The following GPR176 variants were observed in gnomAD, a reference collection of about 807,000 sequenced individuals.
The protein encoded by GPR176 is G protein-coupled receptor 176.
Under a neutral mutation model 35.4 loss-of-function variants are expected in GPR176, and 26 were observed. The ratio of observed to expected loss-of-function variants is 0.74; its 90% CI spans 0.54 to 1.02. GPR176 has a LOEUF of 1.02. Ranked by LOEUF, GPR176 falls within the 50% of genes least tolerant of loss-of-function variation. The probability of loss-of-function intolerance (pLI) is 0.00; values close to 1 mark genes in which losing one functional copy is unlikely to be tolerated. For missense variants in GPR176, 597 were observed against 665.3 expected, an observed-to-expected ratio of 0.90 and a Z score of 1.13; for synonymous variants, 278 against 271.3, an observed-to-expected ratio of 1.02 and a Z score of -0.24.
intron 1 of GPR176, among the ~76,000 whole-genome samples, chr15:39,856,229 T>C (rs747903288): frequency 7.2e-5 from 11 of 152,204 alleles, no homozygotes; most frequent in Non-Finnish European, 1.3e-4. Flanking sequence ...CTATCCAAAA[T>C]AGCCACACAC....
intron 1 of GPR176, among the ~76,000 whole-genome samples, chr15:39,863,262 T>TA (rs2031685662): frequency 6.6e-6 from 1 of 151,772 alleles, no homozygotes; most frequent in Admixed American, 6.6e-5. Context: ...TTTGTATTTT[T>TA]AGTAGAGATG....
intron 1 of GPR176, among the ~76,000 whole-genome samples, chr15:39,812,455 G>C (rs1899630657): frequency 6.6e-6 from 1 of 152,182 alleles, no homozygotes; most frequent in African/African-American, 2.4e-5. Context: ...ACGTTCTTCA[G>C]CTTTTGGACT....
intron 1 of GPR176, among the ~76,000 whole-genome samples, chr15:39,866,590 T>C (rs2031839562): frequency 6.6e-6 from 1 of 152,166 alleles, no homozygotes; most frequent in African/African-American, 2.4e-5. Flanking sequence ...TTATAGGATT[T>C]TTTAAGTGAG....
chr15:39,890,268 C>A (rs1735444174), intron 1 of GPR176, among the ~76,000 whole-genome samples: 1 of 152,144 alleles, frequency 6.6e-6, no homozygotes. Flanking sequence ...TCAGCAAGTG[C>A]CAACTTATTT....
chr15:39,919,542 A>G (rs1329749267), intron 1 of GPR176, among the ~76,000 whole-genome samples: 1 of 152,222 alleles, frequency 6.6e-6, no homozygotes, highest in African/African-American at 2.4e-5. Context: ...TTTGTAAACA[A>G]GAGCTGAAGC....
At chr15:39,835,447 A>C (rs1283125089) in intron 1 of GPR176, among the ~76,000 whole-genome samples, 2 of 152,192 alleles carry the variant, frequency 1.3e-5, no homozygotes, top group Non-Finnish European at 2.9e-5. Flanking sequence ...AGCTTAAGGA[A>C]GACAAAGAAG....
At chr15:39,860,269 G>T (rs564261982) in intron 1 of GPR176, among the ~76,000 whole-genome samples, 99 of 152,240 alleles carry the variant, frequency 6.5e-4, no homozygotes, top group Non-Finnish European at 1.2e-3. Flanking sequence ...CCGGGGTTCA[G>T]GCTGATGAGC....
At chr15:39,802,326 A>G in intron 2 of GPR176, 72 bp from the exon 3 acceptor site, 1 of 1,161,318 alleles carries the variant, frequency 8.6e-7, no homozygotes, top group Non-Finnish European at 1.2e-6. Context: ...AATCACCAAA[A>G]GTAGATGAGA....
intron 1 of GPR176, among the ~76,000 whole-genome samples, chr15:39,882,315 T>C (rs552153283): frequency 1.3e-5 from 2 of 152,310 alleles, no homozygotes; most frequent in African/African-American, 4.8e-5. Flanking sequence ...CGGCATGCAA[T>C]GTGGAAGAAT....
intron 1 of GPR176, among the ~76,000 whole-genome samples, chr15:39,883,308 A>C (rs2032550169): frequency 6.6e-6 from 1 of 152,190 alleles, no homozygotes; most frequent in Non-Finnish European, 1.5e-5. Flanking sequence ...AATATTAGAT[A>C]TTTTACTTCA....
chr15:39,852,487 C>T (rs1274301701), intron 1 of GPR176, among the ~76,000 whole-genome samples: 3 of 152,128 alleles, frequency 2.0e-5, no homozygotes, highest in South Asian at 2.1e-4. Context: ...AATCTGAAAA[C>T]GAGTCTGAAT....
intron 1 of GPR176, among the ~76,000 whole-genome samples, chr15:39,896,498 G>T (rs2033118401): frequency 6.6e-6 from 1 of 152,156 alleles, no homozygotes; most frequent in Non-Finnish European, 1.5e-5. Flanking sequence ...TACTTTCAAA[G>T]AATGTTATTC....
intron 1 of GPR176, among the ~76,000 whole-genome samples, chr15:39,891,139 A>T (rs1595509985): frequency 6.6e-6 from 1 of 152,350 alleles, no homozygotes; most frequent in East Asian, 1.9e-4. Flanking sequence ...ATTATCTTTC[A>T]GACACTGAGC....
chr15:39,825,610 G>A (rs939518297), intron 1 of GPR176, among the ~76,000 whole-genome samples: 4 of 151,972 alleles, frequency 2.6e-5, no homozygotes, highest in South Asian at 2.1e-4. Flanking sequence ...ATGGGCACTC[G>A]CCTTGTTCAT....
At chr15:39,919,711 T>C (rs1389496577) in intron 1 of GPR176, 144 bp downstream of exon 1, 1 of 539,674 alleles carries the variant, frequency 1.9e-6, no homozygotes, top group Non-Finnish European at 3.0e-6. Context: ...ACACTGCAGC[T>C]ACCCGGGATC....
At chr15:39,821,255 C>A (rs916144491) in intron 1 of GPR176, among the ~76,000 whole-genome samples, 6 of 152,140 alleles carry the variant, frequency 3.9e-5, no homozygotes, top group African/African-American at 1.4e-4. Context: ...GATGTGACCT[C>A]TTATTTTCTC....
At chr15:39,895,106 G>C (rs560970022) in intron 1 of GPR176, among the ~76,000 whole-genome samples, 1 of 152,236 alleles carries the variant, frequency 6.6e-6, no homozygotes, top group Non-Finnish European at 1.5e-5. Context: ...TGCAATCGCA[G>C]GTACTCGGCA....
At chr15:39,885,129 C>T (rs2032624452) in intron 1 of GPR176, among the ~76,000 whole-genome samples, 1 of 152,086 alleles carries the variant, frequency 6.6e-6, no homozygotes, top group Admixed American at 6.6e-5. Flanking sequence ...TTATGTTACC[C>T]ATATTTCCCC....
chr15:39,801,141 C>T lies in GPR176; in HGVS notation c.1539G>A (p.Val513=). 6.3e-7 allele frequency: 1 copy of T among 1,597,266 alleles called. No individual in the cohort carries two copies. Among genetic ancestry groups the T allele is most frequent in the African/African-American group, 1.3e-5 (1 of 74,558 alleles). ...RNNKVSIFPK[V]DS ...GAATTTACAATCCTTGCTAGGAATC[C>T]ACCTTTGGAAAAATGCTCACTTTAT... is the stretch of plus-strand genomic sequence containing the variant. The change falls in exon 3 of 3, where the codon GTG becomes GTA. Residue 513 remains valine (V), a synonymous_variant. Coordinates refer to ENST00000561100, the MANE Select transcript of GPR176 (RefSeq NM_007223.3).
Sources: gnomAD v4.1 joint callset for allele counts (sites outside exome capture counted in the v4.1 genomes callset) on GRCh38, gnomAD v4.1.1 for gene constraint, MANE v1.5 for transcripts, NCBI Gene and HGNC (gene_info 2026-07-23, HGNC 2026-07-21) for gene names.